TENT2: variants seen among roughly 807,000 people sequenced by gnomAD.
The protein encoded by TENT2 is poly(A) RNA polymerase GLD2.
A neutral mutation model predicts 72.2 loss-of-function variants in TENT2; 44 were observed. The observed-to-expected ratio is 0.61, with a 90% CI of 0.48 to 0.78. TENT2 has a LOEUF of 0.78. Ranked by LOEUF, TENT2 falls within the 30% of genes least tolerant of loss-of-function variation. TENT2 has a pLI of 0.00. For missense variants in TENT2, 541 were observed against 569.6 expected, an observed-to-expected ratio of 0.95 and a Z score of 0.51; for synonymous variants, 212 against 192.5, an observed-to-expected ratio of 1.10 and a Z score of -0.84.
intron 12 of TENT2, among the ~76,000 whole-genome samples, chr5:79,676,139 C>T (rs1269210982): frequency 5.6e-5 from 8 of 143,956 alleles, no homozygotes; most frequent in African/African-American, 1.9e-4. Context: ...AGTATATATA[C>T]ATATATATAT....
At chr5:79,647,887 G>A (rs973845685) in intron 8 of TENT2, among the ~76,000 whole-genome samples, 1 of 152,138 alleles carries the variant, frequency 6.6e-6, no homozygotes, top group Non-Finnish European at 1.5e-5. Context: ...ATGTGTTTGA[G>A]TAGTATAGAT....
intron 4 of TENT2, among the ~76,000 whole-genome samples, chr5:79,626,787 G>A (rs952053527): frequency 7.9e-6 from 1 of 125,822 alleles, no homozygotes; most frequent in African/African-American, 3.8e-5. Context: ...AAAGACTATC[G>A]TGGATATGAA....
intron 13 of TENT2, 103 bp downstream of exon 13, chr5:79,679,773 TG>T: frequency 1.6e-6 from 1 of 612,234 alleles, no homozygotes; most frequent in Non-Finnish European, 2.5e-6. Context: ...ATGTCTGAAG[TG>T]ATTTGTAAGT....
At chr5:79,650,542 T>C (rs1397439330) in intron 10 of TENT2, among the ~76,000 whole-genome samples, 1 of 152,084 alleles carries the variant, frequency 6.6e-6, no homozygotes, top group Non-Finnish European at 1.5e-5. Flanking sequence ...TTTTATTGCA[T>C]TGTTTGGTGC....
chr5:79,618,332 T>C (rs1762070702), intron 1 of TENT2, among the ~76,000 whole-genome samples: 1 of 152,040 alleles, frequency 6.6e-6, no homozygotes, highest in South Asian at 2.1e-4. Context: ...ACTCAAGCAA[T>C]CCTCCCACCT....
chr5:79,616,610 C>T (rs541434831), intron 1 of TENT2, among the ~76,000 whole-genome samples: 117 of 152,248 alleles, frequency 7.7e-4, no homozygotes, highest in Middle Eastern at 3.4e-3. Flanking sequence ...CTGCCCAGCC[C>T]AGGATTATTG....
intron 13 of TENT2, among the ~76,000 whole-genome samples, chr5:79,680,592 T>A (rs956733795): frequency 2.0e-5 from 3 of 151,944 alleles, no homozygotes; most frequent in Admixed American, 2.0e-4. Context: ...ATATGACAAA[T>A]CTAAAAGTTT....
chr5:79,681,773 C>G (rs1477531850), intron 13 of TENT2: 6 of 419,138 alleles, frequency 1.4e-5, no homozygotes, highest in Non-Finnish European at 2.6e-5. Flanking sequence ...CACCCTCTCC[C>G]TTGAATTCTA....
At chr5:79,617,749 G>T (rs978447195) in intron 1 of TENT2, 11 of 152,188 alleles carry the variant, frequency 7.2e-5, no homozygotes, top group African/African-American at 2.4e-4. Flanking sequence ...CAGCCTGAGA[G>T]CATTTCCGTC....
At chr5:79,630,624 T>C (rs535471392) in intron 4 of TENT2, among the ~76,000 whole-genome samples, 2 of 151,934 alleles carry the variant, frequency 1.3e-5, no homozygotes, top group East Asian at 3.9e-4. Flanking sequence ...GGAAATAGCA[T>C]GTTTGAGGGT....
intron 4 of TENT2, among the ~76,000 whole-genome samples, chr5:79,626,754 AC>A (rs1160613879): frequency 2.7e-5 from 4 of 150,462 alleles, no homozygotes; most frequent in African/African-American, 9.9e-5. Context: ...GAGCCACTGC[AC>A]CTAGCTATTT....
At chr5:79,644,837 C>T (rs80321851) in intron 7 of TENT2, 3,060 of 250,760 alleles carry the variant, frequency 0.012, 98 homozygotes, top group African/African-American at 0.061. Flanking sequence ...CCCTCTGCTG[C>T]TAGCCTAGAT....
intron 12 of TENT2, among the ~76,000 whole-genome samples, chr5:79,678,606 A>C (rs1819188529): frequency 6.6e-6 from 1 of 152,200 alleles, no homozygotes; most frequent in Admixed American, 6.5e-5. Context: ...CCTGCTGATG[A>C]GATTGTTTTA....
chr5:79,632,062 T>A (rs1580291162), intron 4 of TENT2, among the ~76,000 whole-genome samples: 1 of 152,330 alleles, frequency 6.6e-6, no homozygotes, highest in East Asian at 1.9e-4. Context: ...TAGTGGAGAA[T>A]GTTTGAAATA....
In TENT2 at chr5:79,619,603, T is replaced by C; in HGVS notation, c.-37-9T>C. The stretch of plus-strand genomic sequence containing the variant: ...GATAATTTAATATTGTCTTTTTAAA[T>C]TATCCTAGGTAGAAGAATACATGTT... On this transcript the variant is annotated splice_polypyrimidine_tract_variant and intron_variant, in intron 1 of 14. Transcript: ENST00000453514. 1.3e-6 allele frequency: 2 copies of C among 1,553,658 alleles called. No homozygotes were observed. Among genetic ancestry groups the C allele is most frequent in the Non-Finnish European group, 1.7e-6 (2 of 1,147,618 alleles).
At position 79,623,418 on chromosome 5, in the gene TENT2, T is replaced by C. The variant is rs1160122331; in HGVS notation, c.394T>C (p.Cys132Arg). Residue 132 changes from cysteine to arginine, a missense_variant, in exon 4 of 15, where the codon TGT becomes CGT. Physicochemically the swap from Cys to Arg is radical, Grantham distance 180 (BLOSUM62 -3). Coordinates refer to ENST00000453514, the MANE Select transcript of TENT2 (RefSeq NM_001114394.3). ...HTHYVPDIVR[C>R]VPPFREIAFL... ...ACATTATGTACCAGATATAGTCAGA[T>C]GTGTTCCACCTTTTCGAGAAATTGC... is the stretch of plus-strand genomic sequence containing the variant. 1 of 1,612,762 alleles carries C rather than the reference T, an allele frequency of 6.2e-7. No individual in the cohort carries two copies. Among genetic ancestry groups the C allele is most frequent in the Non-Finnish European group, 8.5e-7 (1 of 1,179,328 alleles).
At chr5:79,675,718 A>G (rs558034088) in intron 12 of TENT2, among the ~76,000 whole-genome samples, 1 of 152,314 alleles carries the variant, frequency 6.6e-6, no homozygotes, top group East Asian at 1.9e-4. Flanking sequence ...AGTGATTTTA[A>G]TAACTGACCA....
chr5:79,631,922 A>G (rs1448127227), intron 4 of TENT2, among the ~76,000 whole-genome samples: 1 of 152,226 alleles, frequency 6.6e-6, no homozygotes, highest in African/African-American at 2.4e-5. Flanking sequence ...GGAAATTTGT[A>G]GATACGGTAG....
At chr5:79,646,044 C>T (rs1234742415) in intron 8 of TENT2, among the ~76,000 whole-genome samples, 1 of 152,172 alleles carries the variant, frequency 6.6e-6, no homozygotes, top group Non-Finnish European at 1.5e-5. Flanking sequence ...TTAGGTGACA[C>T]ACTGTCTTCT....
Sources: allele counts gnomAD v4.1 joint callset (sites outside exome capture counted in the v4.1 genomes callset), GRCh38; gene constraint gnomAD v4.1.1; transcripts MANE v1.5; gene names NCBI Gene and HGNC (gene_info 2026-07-23, HGNC 2026-07-21).